Variants in PDZRN3 observed in about 807,000 individuals in gnomAD.
The protein encoded by PDZRN3 is PDZ domain containing ring finger 3, also known as E3 ubiquitin-protein ligase PDZRN3.
Under a neutral mutation model 85.7 loss-of-function variants are expected in PDZRN3, and 38 were observed. The observed-to-expected ratio is 0.44, with a 90% CI of 0.34 to 0.58. PDZRN3 has a LOEUF of 0.58. PDZRN3 is among the 20% of genes least tolerant of loss of function. The pLI is 0.01. For missense variants in PDZRN3, 1,629 were observed against 1,506.4 expected, an observed-to-expected ratio of 1.08 and a Z score of -1.35; for synonymous variants, 759 against 638.0, an observed-to-expected ratio of 1.19 and a Z score of -2.86.
chr3:73,385,167 A>T, intron 9 of PDZRN3, among the ~76,000 whole-genome samples: 1 of 152,196 alleles, frequency 6.6e-6, no homozygotes, highest in South Asian at 2.1e-4. Flanking sequence ...TGAGGATAAT[A>T]GTCACTTTAT....
rs562206089 is a variant in PDZRN3, at chr3:73,473,751, T to C, written c.919-69356A>G. ...GGAGCAGACCCACGTGGTGAGGAAC[T>C]GAGGCCTCTTGCCAAGAGCCATGGG... On this transcript the variant is annotated intron_variant, in intron 3 of 9. Transcript: ENST00000263666. Among the ~76,000 whole-genome samples, 4 of 152,342 alleles carry C rather than the reference T, an allele frequency of 2.6e-5. No individual in the cohort carries two copies. The South Asian group carries it at 8.3e-4, about 32-fold the overall frequency.
At chr3:73,405,283 C>T (rs1701830760) in intron 3 of PDZRN3, among the ~76,000 whole-genome samples, 1 of 152,178 alleles carries the variant, frequency 6.6e-6, no homozygotes, top group Non-Finnish European at 1.5e-5. Flanking sequence ...GAACAGCTGA[C>T]ATAAGATGAA....
chr3:73,474,370 G>A, intron 3 of PDZRN3: 2 of 728,164 alleles, frequency 2.7e-6, no homozygotes, highest in South Asian at 1.8e-5. Flanking sequence ...AAAGCAAACT[G>A]CTATCGGTGG....
At chr3:73,421,419 G>A (rs967058773) in intron 3 of PDZRN3, among the ~76,000 whole-genome samples, 4 of 152,166 alleles carry the variant, frequency 2.6e-5, no homozygotes, top group South Asian at 4.2e-4. Flanking sequence ...AGTAGGACAT[G>A]AACACTGTGA....
chr3:73,422,729 C>T (rs1311897623), intron 3 of PDZRN3, among the ~76,000 whole-genome samples: 2 of 152,128 alleles, frequency 1.3e-5, no homozygotes, highest in African/African-American at 4.8e-5. Flanking sequence ...TGGGGAACAG[C>T]CACTACTTCC....
rs1273827399 is a variant in PDZRN3 at position 73,383,234 on chromosome 3, T to C, written c.*131A>G. Reference sequence around the variant, plus strand: ...ACCTATGACACCCAGAGTTGTAGGGTTTGCAAATTTGGACTATAAACATGA... The same window carrying C: ...ACCTATGACACCCAGAGTTGTAGGGCTTGCAAATTTGGACTATAAACATGA... On this transcript the variant is annotated 3_prime_UTR_variant, in exon 10 of 10. Coordinates refer to ENST00000263666, the MANE Select transcript of PDZRN3 (RefSeq NM_015009.3). The C allele has an allele frequency of 3.7e-6, 3 of 810,058 alleles. No homozygotes were observed. The highest frequency in any genetic ancestry group is 5.9e-6 in the Non-Finnish European group (3 of 506,474). The allele number at this position is 810,058 out of a possible 1,614,324, so 50.2% of individuals were successfully genotyped here.
intron 3 of PDZRN3, among the ~76,000 whole-genome samples, chr3:73,508,844 C>T (rs1295347230): frequency 3.3e-5 from 5 of 152,124 alleles, no homozygotes; most frequent in African/African-American, 1.2e-4. Context: ...CTAGCCATAA[C>T]CAAGGCCCTC....
Position 73,384,730 on chromosome 3 carries a change from G to C in PDZRN3, c.1836C>G (p.Thr612=). The C allele has an allele frequency of 6.2e-7, 1 of 1,614,054 alleles. No individual in the cohort carries two copies. Among genetic ancestry groups the C allele is most frequent in the Non-Finnish European group, 8.5e-7 (1 of 1,180,034 alleles). Residue 612 remains threonine (T), a synonymous_variant, in exon 10 of 10, where the codon ACC becomes ACG. Coordinates refer to ENST00000263666, the MANE Select transcript of PDZRN3 (RefSeq NM_015009.3). ...TGAAGGGCAGGTCGCCGCTGCCCAA[G>C]GTGTCCTGGCTGCAGGTGAGCTTCC... ...GQRKLTCSQD[T]LGSGDLPFSN...
chr3:73,618,136 G>A (rs1035903005), intron 1 of PDZRN3, among the ~76,000 whole-genome samples: 4 of 152,232 alleles, frequency 2.6e-5, no homozygotes, highest in African/African-American at 7.2e-5. Flanking sequence ...AAACTAACAT[G>A]AGCCAGTGGA....
At chr3:73,441,507 G>T (rs1357077085) in intron 3 of PDZRN3, among the ~76,000 whole-genome samples, 1 of 149,530 alleles carries the variant, frequency 6.7e-6, no homozygotes, top group East Asian at 2.0e-4. Flanking sequence ...ACCATAATTT[G>T]ACGACAAAAC....
intron 8 of PDZRN3, among the ~76,000 whole-genome samples, chr3:73,387,420 C>T (rs1701419081): frequency 6.6e-6 from 1 of 152,178 alleles, no homozygotes; most frequent in Admixed American, 6.5e-5. Context: ...CTTTATCACC[C>T]TCCTTCTGGG....
chr3:73,618,077 G>T (rs574194403), intron 1 of PDZRN3, among the ~76,000 whole-genome samples: 1 of 152,308 alleles, frequency 6.6e-6, no homozygotes, highest in East Asian at 1.9e-4. Context: ...TATGTAAATG[G>T]GAACATGGTA....
chr3:73,549,282 C>T (rs1010184247), intron 3 of PDZRN3, among the ~76,000 whole-genome samples: 1 of 152,186 alleles, frequency 6.6e-6, no homozygotes, highest in African/African-American at 2.4e-5. Context: ...TTCATGATTA[C>T]TATTCATTAG....
intron 3 of PDZRN3, among the ~76,000 whole-genome samples, chr3:73,530,402 G>T (rs61434699): frequency 2.6e-5 from 4 of 152,178 alleles, no homozygotes. Flanking sequence ...CATTAGTTGA[G>T]AACTTAACAT....
At chr3:73,395,270 A>G (rs112870879) in intron 5 of PDZRN3, among the ~76,000 whole-genome samples, 4 of 152,380 alleles carry the variant, frequency 2.6e-5, no homozygotes, top group African/African-American at 7.2e-5. Flanking sequence ...TACACAATTA[A>G]GCATATTGCT....
intron 3 of PDZRN3, among the ~76,000 whole-genome samples, chr3:73,577,302 T>C (rs367645950): frequency 2.7e-4 from 41 of 152,200 alleles, no homozygotes; most frequent in African/African-American, 9.6e-4. Context: ...GTTCTACTCA[T>C]GCTCCCTTTA....
intron 3 of PDZRN3, among the ~76,000 whole-genome samples, chr3:73,532,963 C>T (rs116379762): frequency 0.011 from 1,662 of 152,270 alleles, 32 homozygotes; most frequent in African/African-American, 0.037. Context: ...TAACTGCATT[C>T]GCAAACAAAT....
intron 3 of PDZRN3, among the ~76,000 whole-genome samples, chr3:73,533,248 A>C (rs1026442165): frequency 6.6e-6 from 1 of 152,192 alleles, no homozygotes; most frequent in Non-Finnish European, 1.5e-5. Context: ...GTTAAGGCAA[A>C]AGCAACTGAA....
In PDZRN3 at chr3:73,384,537, C is replaced by T; in HGVS notation, c.2029G>A (p.Asp677Asn). 6.2e-7 allele frequency: 1 copy of T among 1,613,730 alleles called. No homozygotes were observed. The highest frequency in any genetic ancestry group is 1.3e-5 in the African/African-American group (1 of 75,076). ...AGCTCCTTGTCCACGCTCTCAGGGT[C>T]ACTCTTGCCGGCGTCCAGGGGGCCG... Reference protein sequence around the residue: ...PSGPLDAGKSDPESVDKELEL... With the variant: ...PSGPLDAGKSNPESVDKELEL... The change falls in exon 10 of 10, where the codon GAC (aspartate) becomes AAC (asparagine). Residue 677 changes from aspartate to asparagine, a missense_variant. Coordinates refer to ENST00000263666, the MANE Select transcript of PDZRN3 (RefSeq NM_015009.3).
Sources: gnomAD v4.1 joint callset for allele counts (sites outside exome capture counted in the v4.1 genomes callset) on GRCh38, gnomAD v4.1.1 for gene constraint, MANE v1.5 for transcripts, NCBI Gene and HGNC (gene_info 2026-07-23, HGNC 2026-07-21) for gene names.